GABRG3: variants seen among roughly 807,000 people sequenced by gnomAD.
The protein encoded by GABRG3 is gamma-aminobutyric acid type A receptor subunit gamma3.
Under a neutral mutation model 48.8 loss-of-function variants are expected in GABRG3, and 25 were observed. The observed-to-expected ratio is 0.51, with a 90% CI of 0.37 to 0.72. The LOEUF (loss-of-function observed/expected upper bound fraction) is 0.72. GABRG3 is among the 30% of genes least tolerant of loss of function. The pLI, the probability that GABRG3 is intolerant of heterozygous loss-of-function variation, is 0.00. For synonymous variants in GABRG3, 227 were observed against 217.6 expected, an observed-to-expected ratio of 1.04 and a Z score of -0.38; for missense variants, 394 against 577.9, an observed-to-expected ratio of 0.68 and a Z score of 3.26.
intron 2 of GABRG3, among the ~76,000 whole-genome samples, chr15:27,002,154 TA>T (rs1244658104): frequency 2.6e-5 from 4 of 152,214 alleles, no homozygotes; most frequent in African/African-American, 9.6e-5. Context: ...CTAAACTATT[TA>T]AAACTTTCCA....
rs1375994602 is a variant in GABRG3, at chr15:27,352,215, G to A, written c.574+23327G>A. ...GTATCTTGGATCCTTTTAAGACTGC[G>A]TGGCAGTGTAGGGATTCTGCCAGAC... is the stretch of plus-strand genomic sequence containing the variant. On this transcript the variant is annotated intron_variant, in intron 5 of 9. Transcript: ENST00000615808. This position sits in a 1 kb window ranked among gnomAD's most constrained non-coding sequence, Gnocchi z 4.0. 6.6e-6 allele frequency among the ~76,000 whole-genome samples: 1 copy of A among 151,744 alleles called. No homozygotes were observed. The highest frequency in any genetic ancestry group is 1.5e-5 in the Non-Finnish European group (1 of 67,928).
At chr15:27,036,540 A>G (rs924690325) in intron 3 of GABRG3, among the ~76,000 whole-genome samples, 2 of 152,180 alleles carry the variant, frequency 1.3e-5, no homozygotes, top group Non-Finnish European at 2.9e-5. Flanking sequence ...AAATACAAAA[A>G]TTAGCTGGGC....
chr15:27,453,838 G>T (rs1339917344), intron 5 of GABRG3, among the ~76,000 whole-genome samples: 4 of 152,180 alleles, frequency 2.6e-5, no homozygotes, highest in African/African-American at 9.7e-5. Flanking sequence ...CTGACCTCAG[G>T]TGATCTGCCC....
At chr15:27,347,300 T>A (rs149867928) in intron 5 of GABRG3, among the ~76,000 whole-genome samples, 11,152 of 152,158 alleles carry the variant, frequency 0.073, 1,028 homozygotes, top group African/African-American at 0.22. Flanking sequence ...CCAACGGAGG[T>A]TTGTTCTGTA....
Position 27,025,362 on chromosome 15 carries a change from A to T in GABRG3, c.203-1392A>T, listed in dbSNP as rs183554882. Among the ~76,000 whole-genome samples, 13 of 152,336 alleles carry T rather than the reference A, an allele frequency of 8.5e-5. No individual in the cohort carries two copies. The East Asian group carries it at 1.3e-3, about 16-fold the overall frequency. ...ATCAAAGGTTCTGCAGTATTTGGAG[A>T]TGGAACACTTGTTGAATCCAATAAT... On this transcript the variant is annotated intron_variant, in intron 2 of 9. Transcript: ENST00000615808.
chr15:27,294,405 C>T (rs1434997957), intron 3 of GABRG3, among the ~76,000 whole-genome samples: 1 of 151,858 alleles, frequency 6.6e-6, no homozygotes, highest in Non-Finnish European at 1.5e-5. Context: ...TTGGGTGAGA[C>T]AGCATTTAGC....
At chr15:26,996,725 C>A (rs1895347827) in intron 2 of GABRG3, among the ~76,000 whole-genome samples, 1 of 152,098 alleles carries the variant, frequency 6.6e-6, no homozygotes, top group African/African-American at 2.4e-5. Context: ...TCTCCGCTCA[C>A]TGCAAGCTCC....
intron 3 of GABRG3, chr15:27,158,494 A>G (rs931700483): frequency 6.6e-6 from 1 of 152,200 alleles, no homozygotes; most frequent in African/African-American, 2.4e-5. Flanking sequence ...TATACTTATA[A>G]ATACTGTTTA....
chr15:27,176,650 A>G (rs924029572), intron 3 of GABRG3, among the ~76,000 whole-genome samples: 5 of 152,206 alleles, frequency 3.3e-5, no homozygotes, highest in African/African-American at 1.2e-4. Context: ...AGAGGTGACC[A>G]GAAGGTCCAA....
rs959668887 is a variant in GABRG3, at chr15:27,539,352, A to G, written c.*6471A>G. On this transcript the variant is annotated 3_prime_UTR_variant, in exon 10 of 10. Transcript: ENST00000615808. ...GGATTGGAGTTTTACAACTGGATTC[A>G]TTAGCACACGTGTGGGAACATGTGC... 1.3e-5 allele frequency: 2 copies of G among 152,216 alleles called. No individual in the cohort carries two copies. The highest frequency in any genetic ancestry group is 1.3e-4 in the Admixed American group (2 of 15,284). 9.4% of individuals were successfully genotyped at this position (152,216 alleles called of 1,614,324 possible).
intron 3 of GABRG3, among the ~76,000 whole-genome samples, chr15:27,278,342 G>T (rs749599089): frequency 6.6e-6 from 1 of 152,064 alleles, no homozygotes; most frequent in African/African-American, 2.4e-5. Context: ...GAGCCACTGC[G>T]CCTGGCCTCG....
intron 3 of GABRG3, among the ~76,000 whole-genome samples, chr15:27,110,098 T>A (rs1004113714): frequency 4.7e-4 from 71 of 152,296 alleles, no homozygotes; most frequent in African/African-American, 1.4e-3. Flanking sequence ...TTGATTTTTG[T>A]CTCTTTTTCT....
chr15:27,351,833 AGTGT>A (rs1220591149), intron 5 of GABRG3, among the ~76,000 whole-genome samples: 2 of 132,936 alleles, frequency 1.5e-5, no homozygotes, highest in Non-Finnish European at 3.2e-5. Context: ...ATGTGTGTAT[AGTGT>A]GTGTGTTTGT....
At chr15:27,337,282 C>T (rs569857022) in intron 5 of GABRG3, among the ~76,000 whole-genome samples, 37 of 151,958 alleles carry the variant, frequency 2.4e-4, no homozygotes, top group African/African-American at 6.8e-4. Flanking sequence ...TGCAAGCCAC[C>T]GATACAATTT....
chr15:27,375,451 G>T lies in GABRG3; in HGVS notation c.574+46563G>T, dbSNP rs557912370. ...GATAAGTCCCAGCAAAGCATCAGAC[G>T]GAGAGTTGCAGGGACAGCCGAGGGC... On this transcript the variant is annotated intron_variant, in intron 5 of 9. Coordinates refer to ENST00000615808, the MANE Select transcript of GABRG3 (RefSeq NM_033223.5). Among the ~76,000 whole-genome samples the T allele has an allele frequency of 2.6e-5, 4 of 152,304 alleles. No homozygotes were observed. The East Asian group carries it at 7.7e-4, about 29-fold the overall frequency.
chr15:26,983,618 G>T (rs1258547237), intron 2 of GABRG3, among the ~76,000 whole-genome samples: 1 of 151,894 alleles, frequency 6.6e-6, no homozygotes, highest in Non-Finnish European at 1.5e-5. Context: ...AAAAATAATA[G>T]TAAAAAATAG....
intron 5 of GABRG3, among the ~76,000 whole-genome samples, chr15:27,431,555 C>A (rs947688141): frequency 6.6e-6 from 1 of 151,984 alleles, no homozygotes; most frequent in African/African-American, 2.4e-5. Flanking sequence ...ACCTGTTGTT[C>A]GGTTTTGAAT....
At chr15:27,342,794 T>C (rs1409271702) in intron 5 of GABRG3, among the ~76,000 whole-genome samples, 1 of 152,202 alleles carries the variant, frequency 6.6e-6, no homozygotes, top group Non-Finnish European at 1.5e-5. Context: ...TCCTGACTCC[T>C]TCCGTTCTAC....
chr15:27,263,373 C>T (rs1183090370), intron 3 of GABRG3, among the ~76,000 whole-genome samples: 1 of 152,070 alleles, frequency 6.6e-6, no homozygotes, highest in Non-Finnish European at 1.5e-5. Context: ...CTGCTGAAGT[C>T]ACCAGGTCCT....
Sources: allele counts gnomAD v4.1 joint callset (sites outside exome capture counted in the v4.1 genomes callset), GRCh38; gene constraint gnomAD v4.1.1; non-coding constraint Gnocchi (gnomAD v3.1); transcripts MANE v1.5; gene names NCBI Gene and HGNC (gene_info 2026-07-23, HGNC 2026-07-21).